ANKRD31: variants seen among roughly 807,000 people sequenced by gnomAD.
ANKRD31 encodes ankyrin repeat domain 31, also known as ankyrin repeat domain-containing protein 31.
A neutral mutation model predicts 186.0 loss-of-function variants in ANKRD31; 147 were observed. The observed-to-expected ratio is 0.79, with a 90% confidence interval of 0.69 to 0.91. The LOEUF is 0.91. Ranked by LOEUF, ANKRD31 falls within the 40% of genes least tolerant of loss-of-function variation. ANKRD31 has a pLI of 0.00. For synonymous variants in ANKRD31, 673 were observed against 736.4 expected (o/e 0.91, Z 1.39); for missense variants, 1,986 against 2,148.8 (o/e 0.92, Z 1.50).
chr5:75,149,689 T>G (rs1751718084), intron 12 of ANKRD31, among the ~76,000 whole-genome samples: 1 of 151,894 alleles, frequency 6.6e-6, no homozygotes, highest in Non-Finnish European at 1.5e-5. Context: ...TGAAAGCTAA[T>G]AATAGTTTCA....
intron 3 of ANKRD31, among the ~76,000 whole-genome samples, chr5:75,216,645 T>C (rs1355813242): frequency 6.6e-6 from 1 of 152,134 alleles, no homozygotes; most frequent in Non-Finnish European, 1.5e-5. Flanking sequence ...TTGATACACT[T>C]TCCTAAGTAT....
chr5:75,169,271 G>A lies in ANKRD31; in HGVS notation c.1565-150C>T, dbSNP rs957196489. On this transcript the variant is annotated intron_variant, in intron 10 of 25. Transcript: ENST00000506364. Reference sequence around the variant, plus strand: ...AGATAGTATCACCTGAAAGCACACTGTATTATTTGGTAGGTTCAATAAACC... The same window carrying A: ...AGATAGTATCACCTGAAAGCACACTATATTATTTGGTAGGTTCAATAAACC... The A allele has an allele frequency of 4.6e-6, 4 of 874,164 alleles. No individual in the cohort carries two copies. In the African/African-American group the frequency reaches 6.8e-5, roughly 15 times the overall value. 54.2% of individuals were successfully genotyped at this position (874,164 alleles called of 1,614,324 possible). A position where few individuals can be genotyped will look rare whatever the true frequency, so the allele number is the denominator to read the frequency against.
intron 22 of ANKRD31, among the ~76,000 whole-genome samples, chr5:75,100,301 A>T (rs533441093): frequency 1.3e-5 from 2 of 152,176 alleles, no homozygotes; most frequent in African/African-American, 4.8e-5. Flanking sequence ...TTTGTTATAA[A>T]TTCCATTCTT....
intron 3 of ANKRD31, among the ~76,000 whole-genome samples, chr5:75,212,607 T>A (rs747817545): frequency 2.7e-4 from 41 of 152,206 alleles, no homozygotes; most frequent in Non-Finnish European, 6.0e-4. Context: ...CACCCCAGCC[T>A]GGGTGACAGA....
chr5:75,213,383 T>C (rs1375467252), intron 3 of ANKRD31, among the ~76,000 whole-genome samples: 2 of 152,206 alleles, frequency 1.3e-5, no homozygotes, highest in African/African-American at 4.8e-5. Flanking sequence ...TCAAGCTATC[T>C]GCCCATGTTG....
At chr5:75,208,179 G>C (rs909444996) in intron 4 of ANKRD31, among the ~76,000 whole-genome samples, 1 of 152,166 alleles carries the variant, frequency 6.6e-6, no homozygotes, top group East Asian at 1.9e-4. Flanking sequence ...CATTCAATCT[G>C]TTGCCATATA....
intron 17 of ANKRD31, among the ~76,000 whole-genome samples, chr5:75,137,009 G>C (rs1561465242): frequency 1.3e-5 from 2 of 151,242 alleles, no homozygotes; most frequent in Non-Finnish European, 2.9e-5. Context: ...CACCAGGGCT[G>C]TCATGGGGTG....
At position 75,105,020 on chromosome 5, in the gene ANKRD31, T is replaced by G. The variant is rs1235562655; in HGVS notation, c.4539A>C (p.Lys1513Asn). The change falls in exon 22 of 26, where the codon AAA becomes AAC. Residue 1513 changes from lysine (K) to asparagine (N), a missense_variant. Physicochemically the swap from Lys to Asn is moderately conservative, Grantham distance 94. Coordinates refer to ENST00000506364, the MANE Select transcript of ANKRD31 (RefSeq NM_001372053.1). ...CCAGACTAGTGAGCTCTTGGCTGTC[T>G]TTTTCACTAGAGATTTCTGATCTGG... ...LPPRSEISSE[K>N]DSQELTSLEN... 1.3e-6 allele frequency: 2 copies of G among 1,536,636 alleles called. No homozygotes were observed.
chr5:75,075,327 G>T (rs182280547), intron 25 of ANKRD31, among the ~76,000 whole-genome samples: 2 of 152,118 alleles, frequency 1.3e-5, no homozygotes, highest in African/African-American at 4.8e-5. Flanking sequence ...TCTCCTTCCT[G>T]CCCAGGTAAC....
intron 6 of ANKRD31, among the ~76,000 whole-genome samples, chr5:75,198,786 G>A (rs73114836): frequency 6.6e-6 from 1 of 152,104 alleles, no homozygotes; most frequent in African/African-American, 2.4e-5. Context: ...CACCAACTAG[G>A]TGCCAGACAT....
rs534033740 is a variant in ANKRD31 at position 75,071,289 on chromosome 5, T to C, written c.5648-2625A>G. Among the ~76,000 whole-genome samples, 4 of 148,422 alleles carry C rather than the reference T, an allele frequency of 2.7e-5. No homozygotes were observed. In the Admixed American group the frequency reaches 2.7e-4, roughly 10 times the overall value. On this transcript the variant is annotated intron_variant, in intron 25 of 25. Coordinates refer to ENST00000506364, the MANE Select transcript of ANKRD31 (RefSeq NM_001372053.1). ...TATTAAATATTTTAATAATATTTAA[T>C]ATTTTAATAATATTTAATATTTAAT...
chr5:75,097,661 A>T (rs1005071189), intron 22 of ANKRD31, among the ~76,000 whole-genome samples: 16 of 152,114 alleles, frequency 1.1e-4, no homozygotes, highest in African/African-American at 3.9e-4. Flanking sequence ...CATTAGTTTA[A>T]TTAGATCCCA....
At chr5:75,112,429 G>C in intron 20 of ANKRD31, 84 bp downstream of exon 20, 1 of 894,046 alleles carries the variant, frequency 1.1e-6, no homozygotes. Context: ...TTCAGCCTTT[G>C]TGAGCTTTGA....
At chr5:75,085,882 G>C (rs1426196191) in intron 23 of ANKRD31, among the ~76,000 whole-genome samples, 1 of 152,206 alleles carries the variant, frequency 6.6e-6, no homozygotes, top group Non-Finnish European at 1.5e-5. Flanking sequence ...TGAACAGAGT[G>C]AGAAAGGTCT....
intron 10 of ANKRD31, among the ~76,000 whole-genome samples, chr5:75,181,864 C>T (rs1754327289): frequency 2.0e-5 from 3 of 146,924 alleles, no homozygotes; most frequent in Admixed American, 6.8e-5. Context: ...TGCACATGTA[C>T]CCTAAAACTT....
Position 75,104,226 on chromosome 5 carries a change from AC to A in ANKRD31, c.5331+1del. ...GATTTTAGAGAAAAAAATATAGAAT[AC>A]CTGTGTTTTGAATTCCAGAATGTTA... On this transcript the variant is annotated splice_donor_variant, in intron 22 of 25. Coordinates refer to ENST00000506364, the MANE Select transcript of ANKRD31 (RefSeq NM_001372053.1). LOFTEE classifies it high-confidence loss of function. 1 of 1,487,580 alleles carries A rather than the reference AC, an allele frequency of 6.7e-7. No homozygotes were observed. Among genetic ancestry groups the A allele is most frequent in the Non-Finnish European group, 8.9e-7 (1 of 1,122,916 alleles). 92.1% of individuals were successfully genotyped at this position (1,487,580 alleles called of 1,614,324 possible).
At position 75,113,600 on chromosome 5, in the gene ANKRD31, T is replaced by C. The variant is rs117906164; in HGVS notation, c.4156-1000A>G. 2.4e-3 allele frequency among the ~76,000 whole-genome samples: 368 copies of C among 152,246 alleles called. 8 individuals are homozygous for C. The East Asian group carries it at 0.062, about 26-fold the overall frequency. On this transcript the variant is annotated intron_variant, in intron 19 of 25. Transcript: ENST00000506364. ...TCACATTACCTATCCTTTAATATAC[T>C]CTCCATACACATTCATTTCTAAAAC...
intron 10 of ANKRD31, among the ~76,000 whole-genome samples, chr5:75,185,088 G>A (rs1426157101): frequency 6.6e-6 from 1 of 152,148 alleles, no homozygotes; most frequent in Non-Finnish European, 1.5e-5. Flanking sequence ...GGGACATCAT[G>A]TTAAGTGAAA....
intron 11 of ANKRD31, among the ~76,000 whole-genome samples, chr5:75,166,445 T>C (rs1752928914): frequency 6.6e-6 from 1 of 152,126 alleles, no homozygotes; most frequent in Non-Finnish European, 1.5e-5. Context: ...CACTCCAGCC[T>C]GGGTGATAGG....
Sources: allele counts gnomAD v4.1 joint callset (sites outside exome capture counted in the v4.1 genomes callset), GRCh38; gene constraint gnomAD v4.1.1; transcripts MANE v1.5; gene names NCBI Gene and HGNC (gene_info 2026-07-23, HGNC 2026-07-21).